The following CDK14 variants were observed in gnomAD, a reference collection of about 807,000 sequenced individuals.
CDK14 encodes cyclin dependent kinase 14.
In CDK14, 34 loss-of-function variants were observed where a neutral mutation model predicts 60.7. The ratio of observed to expected loss-of-function variants is 0.56; its 90% CI spans 0.43 to 0.75. The LOEUF (loss-of-function observed/expected upper bound fraction) is 0.75. Ranked by LOEUF, CDK14 falls within the 30% of genes least tolerant of loss-of-function variation. The probability of loss-of-function intolerance (pLI) is 0.00; values close to 1 mark genes in which losing one functional copy is unlikely to be tolerated. For synonymous variants in CDK14, 197 were observed against 203.7 expected, an observed-to-expected ratio of 0.97 and a Z score of 0.28; for missense variants, 482 against 564.1, an observed-to-expected ratio of 0.85 and a Z score of 1.47.
rs145470783 is a variant in CDK14 at position 90,698,890 on chromosome 7, C to G, written c.124-27677C>G. ...TTCTCAGTTCTCTCTCGACTCTTACCCTGCAGCTTTGTAGTTACAAGGGGA... is the reference window on the plus strand; with the variant it reads ...TTCTCAGTTCTCTCTCGACTCTTACGCTGCAGCTTTGTAGTTACAAGGGGA... On this transcript the variant is annotated intron_variant, in intron 2 of 14. Transcript: ENST00000380050. Among the ~76,000 whole-genome samples, 605 of 152,096 alleles carry G rather than the reference C, an allele frequency of 4.0e-3. 3 individuals are homozygous for G. Among genetic ancestry groups the G allele is most frequent in the Non-Finnish European group, 6.9e-3 (468 of 67,986 alleles).
At chr7:91,175,384 GA>G (rs1320622067) in intron 14 of CDK14, among the ~76,000 whole-genome samples, 1 of 151,822 alleles carries the variant, frequency 6.6e-6, no homozygotes, top group Non-Finnish European at 1.5e-5. Flanking sequence ...TCGAGACTAG[GA>G]AGAAACTGCA....
chr7:90,770,469 A>AT (rs1451073193), intron 4 of CDK14, among the ~76,000 whole-genome samples: 2 of 152,160 alleles, frequency 1.3e-5, no homozygotes, highest in Admixed American at 1.3e-4. Flanking sequence ...AACATTGTTG[A>AT]TTGTTAGCTT....
chr7:90,994,163 C>G (rs1795614492), intron 10 of CDK14, among the ~76,000 whole-genome samples: 1 of 151,664 alleles, frequency 6.6e-6, no homozygotes. Flanking sequence ...AGGAGCTTGG[C>G]TGGGCAGCTC....
intron 5 of CDK14, among the ~76,000 whole-genome samples, chr7:90,855,424 TA>T (rs1790789102): frequency 6.6e-6 from 1 of 152,182 alleles, no homozygotes; most frequent in African/African-American, 2.4e-5. Context: ...TCACTTGTAA[TA>T]AAAACTTTTC....
intron 12 of CDK14, among the ~76,000 whole-genome samples, chr7:91,091,015 T>C (rs1481958316): frequency 7.2e-5 from 11 of 151,946 alleles, no homozygotes; most frequent in Admixed American, 2.6e-4. Flanking sequence ...TGTGTGTGTG[T>C]GTGTGTATGA....
intron 14 of CDK14, among the ~76,000 whole-genome samples, chr7:91,176,389 A>T (rs897026719): frequency 1.3e-4 from 20 of 152,222 alleles, no homozygotes; most frequent in Non-Finnish European, 2.4e-4. Flanking sequence ...CTAACATCAC[A>T]ATTAAAAGAA....
At chr7:91,042,868 C>T (rs964924499) in intron 10 of CDK14, among the ~76,000 whole-genome samples, 1 of 152,182 alleles carries the variant, frequency 6.6e-6, no homozygotes, top group African/African-American at 2.4e-5. Context: ...GCATCAGAGA[C>T]CATACATACT....
At position 90,780,843 on chromosome 7, in the gene CDK14, A is replaced by G. The variant is rs531317811; in HGVS notation, c.465-9730A>G. ...TTGGTTCCAAGTCTTTGCTATTGTG[A>G]ATAGTGCCGCAATAAACATACGTGT... is the stretch of plus-strand genomic sequence containing the variant. On this transcript the variant is annotated intron_variant, in intron 4 of 14. Transcript: ENST00000380050. Among the ~76,000 whole-genome samples, 15 of 152,024 alleles carry G rather than the reference A, an allele frequency of 9.9e-5. No homozygotes were observed. The South Asian group carries it at 3.1e-3, about 32-fold the overall frequency.
At chr7:91,015,390 C>T (rs1476239790) in intron 10 of CDK14, among the ~76,000 whole-genome samples, 2 of 152,072 alleles carry the variant, frequency 1.3e-5, no homozygotes, top group Non-Finnish European at 2.9e-5. Flanking sequence ...TCAGATCAAA[C>T]AGATTGTACT....
chr7:90,758,727 T>A (rs1275304997), intron 4 of CDK14, among the ~76,000 whole-genome samples: 1 of 152,192 alleles, frequency 6.6e-6, no homozygotes, highest in African/African-American at 2.4e-5. Flanking sequence ...TAAATGAAGA[T>A]GTATCAATAC....
intron 8 of CDK14, among the ~76,000 whole-genome samples, chr7:90,928,901 C>T (rs113589836): frequency 6.7e-4 from 102 of 152,326 alleles, no homozygotes; most frequent in African/African-American, 2.2e-3. Flanking sequence ...GCTTTGTTTA[C>T]CTACTCAAGC....
intron 2 of CDK14, among the ~76,000 whole-genome samples, chr7:90,651,997 C>T (rs1316177010): frequency 6.6e-6 from 1 of 152,132 alleles, no homozygotes; most frequent in Non-Finnish European, 1.5e-5. Flanking sequence ...CTCTTTGAGC[C>T]TCCTTTACAC....
intron 14 of CDK14, among the ~76,000 whole-genome samples, chr7:91,168,470 AT>A (rs1372662945): frequency 6.6e-6 from 1 of 152,166 alleles, no homozygotes; most frequent in Non-Finnish European, 1.5e-5. Context: ...TATAACACAA[AT>A]TTTTAAAGCT....
chr7:90,612,266 C>G (rs572893685), intron 2 of CDK14, among the ~76,000 whole-genome samples: 9 of 152,306 alleles, frequency 5.9e-5, no homozygotes, highest in South Asian at 4.1e-4. Context: ...TCTTATTCCT[C>G]CACTCAGCCT....
intron 5 of CDK14, among the ~76,000 whole-genome samples, chr7:90,801,696 A>G (rs972509607): frequency 1.3e-5 from 2 of 152,188 alleles, no homozygotes; most frequent in African/African-American, 4.8e-5. Context: ...TTATCCAGGT[A>G]TATGGACATG....
At chr7:90,645,598 CT>C (rs571393069) in intron 2 of CDK14, among the ~76,000 whole-genome samples, 1 of 150,364 alleles carries the variant, frequency 6.7e-6, no homozygotes, top group African/African-American at 2.4e-5. Flanking sequence ...TATTTTCCTC[CT>C]TTTTTTTTAG....
At chr7:90,977,419 G>A (rs574079689) in intron 9 of CDK14, among the ~76,000 whole-genome samples, 11 of 152,094 alleles carry the variant, frequency 7.2e-5, no homozygotes, top group African/African-American at 2.7e-4. Context: ...GTAGCTACAT[G>A]CGGGGAAAGA....
At chr7:90,896,091 G>A (rs1792329246) in intron 6 of CDK14, among the ~76,000 whole-genome samples, 1 of 150,324 alleles carries the variant, frequency 6.7e-6, no homozygotes, top group African/African-American at 2.4e-5. Flanking sequence ...TGTCTCTTTT[G>A]TTTTCTCTAG....
intron 5 of CDK14, among the ~76,000 whole-genome samples, chr7:90,844,541 A>G (rs1186597961): frequency 1.3e-5 from 2 of 152,186 alleles, no homozygotes; most frequent in African/African-American, 4.8e-5. Flanking sequence ...TTATTGTCTC[A>G]GAATTTCTAG....
Sources: gnomAD v4.1 joint callset for allele counts (sites outside exome capture counted in the v4.1 genomes callset) on GRCh38, gnomAD v4.1.1 for gene constraint, MANE v1.5 for transcripts, NCBI Gene and HGNC (gene_info 2026-07-23, HGNC 2026-07-21) for gene names.